NAALAD2: variants seen among roughly 807,000 people sequenced by gnomAD.
The protein encoded by NAALAD2 is N-acetylated-alpha-linked acidic dipeptidase 2.
In NAALAD2, 89 loss-of-function variants were observed where a neutral mutation model predicts 95.6. The ratio of observed to expected loss-of-function variants is 0.93; its 90% confidence interval spans 0.78 to 1.11. The LOEUF (loss-of-function observed/expected upper bound fraction) is 1.11, where lower values mean the gene tolerates loss of function less well. NAALAD2 is among the 50% of genes least tolerant of loss of function. The probability of loss-of-function intolerance (pLI) is 0.00; values close to 1 mark genes in which losing one functional copy is unlikely to be tolerated. For missense variants in NAALAD2, 894 were observed against 872.4 expected, an observed-to-expected ratio of 1.02 and a Z score of -0.31; for synonymous variants, 264 against 294.4, an observed-to-expected ratio of 0.90 and a Z score of 1.06.
At chr11:90,155,834 TAA>T (rs1952097466) in intron 6 of NAALAD2, among the ~76,000 whole-genome samples, 1 of 108,796 alleles carries the variant, frequency 9.2e-6, no homozygotes, top group South Asian at 2.9e-4. Context: ...GTAATATATG[TAA>T]TATATATGTT....
At chr11:90,191,347 T>C (rs1834327450) in intron 18 of NAALAD2, among the ~76,000 whole-genome samples, 1 of 150,470 alleles carries the variant, frequency 6.6e-6, no homozygotes, top group South Asian at 2.1e-4. Context: ...CAACATGGTA[T>C]ATGATTCCTG....
rs373775505 is a variant in NAALAD2 at position 90,170,061 on chromosome 11, T to C, written c.1343-8T>C. ...GAAATAATACTCTGTGTCTTATTTATTTTTCAGGCAATTATACTCTCAGAG... is the reference window on the plus strand; with the variant it reads ...GAAATAATACTCTGTGTCTTATTTACTTTTCAGGCAATTATACTCTCAGAG... On this transcript the variant is annotated splice_region_variant and splice_polypyrimidine_tract_variant and intron_variant, in intron 12 of 18. Coordinates refer to ENST00000534061, the MANE Select transcript of NAALAD2 (RefSeq NM_005467.4). 1.8e-5 allele frequency: 27 copies of C among 1,527,376 alleles called. No homozygotes were observed. The African/African-American group carries it at 3.7e-4, about 21-fold the overall frequency. The allele number at this position is 1,527,376 out of a possible 1,614,324, so 94.6% of individuals were successfully genotyped here.
At chr11:90,142,535 T>G (rs1354252638) in intron 2 of NAALAD2, among the ~76,000 whole-genome samples, 1 of 152,192 alleles carries the variant, frequency 6.6e-6, no homozygotes, top group Non-Finnish European at 1.5e-5. Flanking sequence ...ACTATCACTT[T>G]CATTAGAATT....
intron 18 of NAALAD2, among the ~76,000 whole-genome samples, chr11:90,186,298 G>T (rs1015109703): frequency 2.6e-5 from 4 of 151,916 alleles, no homozygotes; most frequent in African/African-American, 9.7e-5. Flanking sequence ...TGTTCTTGGC[G>T]ATAGTTTACT....
chr11:90,172,970 C>T (rs1037389183), intron 13 of NAALAD2, among the ~76,000 whole-genome samples: 1 of 152,012 alleles, frequency 6.6e-6, no homozygotes, highest in African/African-American at 2.4e-5. Flanking sequence ...TAGGGTCTGC[C>T]TTGGGTCTAT....
intron 1 of NAALAD2, 138 bp downstream of exon 1, chr11:90,134,978 C>T (rs1388010082): frequency 1.2e-6 from 1 of 826,128 alleles, no homozygotes; most frequent in Non-Finnish European, 2.0e-6. Flanking sequence ...AAACTCTGCA[C>T]ATTTCAGCAA....
chr11:90,170,849 C>T (rs1215074728), intron 13 of NAALAD2, among the ~76,000 whole-genome samples: 1 of 152,104 alleles, frequency 6.6e-6, no homozygotes, highest in African/African-American at 2.4e-5. Flanking sequence ...ATTTCCTGAT[C>T]TGAAGGTAGC....
intron 18 of NAALAD2, among the ~76,000 whole-genome samples, chr11:90,188,746 TG>T (rs1857234676): frequency 6.6e-6 from 1 of 152,246 alleles, no homozygotes; most frequent in Admixed American, 6.5e-5. Context: ...TTTTGAGTTG[TG>T]GGTAATATAT....
intron 2 of NAALAD2, among the ~76,000 whole-genome samples, chr11:90,136,955 CA>C (rs550307032): frequency 7.4e-4 from 113 of 152,128 alleles, no homozygotes; most frequent in South Asian, 2.9e-3. Context: ...GCCAAGATAC[CA>C]AATCAACCTG....
At chr11:90,135,960 G>T (rs901997113) in intron 2 of NAALAD2, among the ~76,000 whole-genome samples, 1 of 152,080 alleles carries the variant, frequency 6.6e-6, no homozygotes, top group African/African-American at 2.4e-5. Flanking sequence ...GTTCATCAGT[G>T]CCTGGGTTTT....
rs1565519081 is a variant in NAALAD2 at position 90,152,400 on chromosome 11, CT to C, written c.714del (p.Pro239LeufsTer11). On this transcript the variant is annotated frameshift_variant, in exon 6 of 19. Coordinates refer to ENST00000534061, the MANE Select transcript of NAALAD2 (RefSeq NM_005467.4). LOFTEE classifies it high-confidence loss of function. ...ACAGCCATATCCCAAAGGATGGAAT[CT>C]TCCTGGAACTGCAGCCCAGAGAGGA... ...EVQPYPKGWN[L>X]PGTAAQRGNV... 6.2e-7 allele frequency: 1 copy of C among 1,613,860 alleles called. No homozygotes were observed. The highest frequency in any genetic ancestry group is 2.2e-5 in the East Asian group (1 of 44,872).
At chr11:90,142,184 T>A (rs1337144849) in intron 2 of NAALAD2, among the ~76,000 whole-genome samples, 5 of 152,116 alleles carry the variant, frequency 3.3e-5, no homozygotes, top group Non-Finnish European at 1.5e-5. Flanking sequence ...CTTTTTTAGC[T>A]GGTCGGTAGG....
chr11:90,168,889 A>T, intron 11 of NAALAD2, 40 bp from the exon 12 acceptor site: 1 of 1,468,820 alleles, frequency 6.8e-7, no homozygotes, highest in South Asian at 1.2e-5. Context: ...TTTCACAACT[A>T]AGTAATGTGA....
intron 16 of NAALAD2, among the ~76,000 whole-genome samples, chr11:90,178,761 C>G (rs939569974): frequency 6.6e-6 from 1 of 152,048 alleles, no homozygotes; most frequent in East Asian, 1.9e-4. Flanking sequence ...AATACTATTA[C>G]ATACGTATTT....
intron 14 of NAALAD2, among the ~76,000 whole-genome samples, chr11:90,175,114 C>G (rs1051004677): frequency 6.6e-6 from 1 of 152,078 alleles, no homozygotes; most frequent in Non-Finnish European, 1.5e-5. Context: ...TTTCTGGTCC[C>G]AAGCATTTCA....
intron 15 of NAALAD2, among the ~76,000 whole-genome samples, chr11:90,176,681 T>C (rs1952801655): frequency 6.6e-6 from 1 of 152,196 alleles, no homozygotes; most frequent in South Asian, 2.1e-4. Context: ...TTATAAATTA[T>C]TTCATAAACC....
At chr11:90,173,759 T>C in intron 13 of NAALAD2, 65 bp from the exon 14 acceptor site, 2 of 1,122,000 alleles carry the variant, frequency 1.8e-6, no homozygotes, top group Non-Finnish European at 2.6e-6. Flanking sequence ...TAATATATAG[T>C]TTTATTTTGG....
chr11:90,175,842 C>A (rs764372776), intron 14 of NAALAD2, 130 bp from the exon 15 acceptor site: 5 of 443,388 alleles, frequency 1.1e-5, no homozygotes, highest in Non-Finnish European at 2.0e-5. Flanking sequence ...TTTTTAAATT[C>A]TTATAAATGT....
At chr11:90,140,111 A>T (rs1951569333) in intron 2 of NAALAD2, among the ~76,000 whole-genome samples, 1 of 152,124 alleles carries the variant, frequency 6.6e-6, no homozygotes, top group African/African-American at 2.4e-5. Context: ...TGGAGAAACA[A>T]ACTGTTCAGG....
Sources: gnomAD v4.1 joint callset for allele counts (sites outside exome capture counted in the v4.1 genomes callset) on GRCh38, gnomAD v4.1.1 for gene constraint, MANE v1.5 for transcripts, NCBI Gene and HGNC (gene_info 2026-07-23, HGNC 2026-07-21) for gene names.